The following HMGCLL1 variants were observed in gnomAD, a reference collection of about 807,000 sequenced individuals.
HMGCLL1 encodes 3-hydroxy-3-methylglutaryl-CoA lyase like 1, also known as 3-hydroxymethyl-3-methylglutaryl-CoA lyase, cytoplasmic.
A neutral mutation model predicts 39.1 loss-of-function variants in HMGCLL1; 36 were observed. That is an observed-to-expected ratio of 0.92 (90% CI 0.71 to 1.22). The LOEUF is 1.22. HMGCLL1 is among the 50% of genes most tolerant of loss of function. HMGCLL1 has a pLI of 0.00. For synonymous variants in HMGCLL1, 149 were observed against 144.0 expected, an observed-to-expected ratio of 1.03 and a Z score of -0.25; for missense variants, 451 against 416.5, an observed-to-expected ratio of 1.08 and a Z score of -0.72.
intron 5 of HMGCLL1, among the ~76,000 whole-genome samples, chr6:55,508,907 A>G (rs988217682): frequency 6.6e-6 from 1 of 151,038 alleles, no homozygotes; most frequent in Non-Finnish European, 1.5e-5. Context: ...TAATAATGAA[A>G]AAGTATTAAT....
intron 7 of HMGCLL1, among the ~76,000 whole-genome samples, chr6:55,447,152 T>C (rs1184240265): frequency 6.6e-6 from 1 of 151,970 alleles, no homozygotes; most frequent in Non-Finnish European, 1.5e-5. Flanking sequence ...GCCACGCTTA[T>C]TTCCAATAAG....
At chr6:55,529,183 G>A (rs554678458) in intron 3 of HMGCLL1, among the ~76,000 whole-genome samples, 182 of 152,168 alleles carry the variant, frequency 1.2e-3, no homozygotes, top group African/African-American at 4.2e-3. Flanking sequence ...TTCTGAAGTA[G>A]GGCAAGAAGT....
chr6:55,607,089 C>G, the HMGCLL1 span, among the ~76,000 whole-genome samples: 1 of 152,108 alleles, frequency 6.6e-6, no homozygotes, highest in Non-Finnish European at 1.5e-5. Context: ...CTGCTTGTCT[C>G]TCTGATATAC....
chr6:55,532,410 A>G (rs890630210), intron 3 of HMGCLL1, among the ~76,000 whole-genome samples: 1 of 152,158 alleles, frequency 6.6e-6, no homozygotes, highest in African/African-American at 2.4e-5. Flanking sequence ...CAGGTACAGT[A>G]GAAGTTGTTG....
chr6:55,459,417 G>A (rs909397611), intron 7 of HMGCLL1, among the ~76,000 whole-genome samples: 1 of 152,022 alleles, frequency 6.6e-6, no homozygotes, highest in Non-Finnish European at 1.5e-5. Context: ...ATTTGAACTT[G>A]GCCTTGAAAA....
At chr6:55,618,428 A>G in the HMGCLL1 span, among the ~76,000 whole-genome samples, 2 of 152,104 alleles carry the variant, frequency 1.3e-5, no homozygotes, top group Non-Finnish European at 2.9e-5. Context: ...AAGAAAGAAA[A>G]AAGAGAAAAT....
intron 1 of HMGCLL1, among the ~76,000 whole-genome samples, chr6:55,560,984 AG>A (rs1770917536): frequency 6.6e-6 from 1 of 152,186 alleles, no homozygotes; most frequent in Non-Finnish European, 1.5e-5. Flanking sequence ...TCAAAGGAAT[AG>A]TTAACAAACA....
At chr6:55,598,561 T>C in the HMGCLL1 span, among the ~76,000 whole-genome samples, 1 of 152,198 alleles carries the variant, frequency 6.6e-6, no homozygotes, top group Non-Finnish European at 1.5e-5. Context: ...AGTCCACCAG[T>C]CTCCAAATAG....
At chr6:55,614,966 C>G in the HMGCLL1 span, among the ~76,000 whole-genome samples, 2 of 151,624 alleles carry the variant, frequency 1.3e-5, no homozygotes, top group Non-Finnish European at 2.9e-5. Flanking sequence ...TATAACAAGA[C>G]CCCATCTCTT....
chr6:55,530,705 G>T (rs1768613298), intron 3 of HMGCLL1, among the ~76,000 whole-genome samples: 1 of 151,984 alleles, frequency 6.6e-6, no homozygotes, highest in South Asian at 2.1e-4. Context: ...TGATATTCGG[G>T]ATACAATATT....
the HMGCLL1 span, among the ~76,000 whole-genome samples, chr6:55,588,997 T>C: frequency 1.3e-5 from 2 of 152,260 alleles, no homozygotes. Context: ...GCTGTACCAT[T>C]CCTTCTGAAA....
chr6:55,440,666 T>G (rs1025074429), intron 7 of HMGCLL1, among the ~76,000 whole-genome samples: 1 of 152,108 alleles, frequency 6.6e-6, no homozygotes, highest in African/African-American at 2.4e-5. Context: ...TGATCACATT[T>G]AAAATGAGAA....
At chr6:55,477,726 T>C (rs1422590524) in intron 7 of HMGCLL1, among the ~76,000 whole-genome samples, 1 of 149,492 alleles carries the variant, frequency 6.7e-6, no homozygotes, top group Non-Finnish European at 1.5e-5. Context: ...TCTAATAAAT[T>C]TTCTAATGTA....
chr6:55,569,730 A>C lies in HMGCLL1; in HGVS notation c.108+9218T>G, dbSNP rs113619202. Among the ~76,000 whole-genome samples the C allele has an allele frequency of 1.0e-3, 155 of 152,272 alleles. 1 individual carries two copies. The highest frequency in any genetic ancestry group is 3.7e-3 in the African/African-American group (152 of 41,560). On this transcript the variant is annotated intron_variant, in intron 1 of 8. Transcript: ENST00000274901. Reference sequence around the variant, plus strand: ...TAATAAGCAACTCATACTAAATAATATATGTGACTTGATTAAAAATAAAAA... The same window carrying C: ...TAATAAGCAACTCATACTAAATAATCTATGTGACTTGATTAAAAATAAAAA...
At position 55,538,564 on chromosome 6, in the gene HMGCLL1, T is replaced by C. The variant is rs192194123; in HGVS notation, c.297+3165A>G. Among the ~76,000 whole-genome samples, 280 of 152,288 alleles carry C rather than the reference T, an allele frequency of 1.8e-3. 1 individual carries two copies. The highest frequency in any genetic ancestry group is 6.8e-3 in the Middle Eastern group (2 of 294). ...CTAGCCTAATCAAACTAGTAGTGTT[T>C]TCCTAAAAAATAGTTTTGTGACCTT... On this transcript the variant is annotated intron_variant, in intron 3 of 8. Coordinates refer to ENST00000274901, the MANE Select transcript of HMGCLL1 (RefSeq NM_001042406.2).
At chr6:55,515,615 T>C (rs544058073) in intron 4 of HMGCLL1, among the ~76,000 whole-genome samples, 14 of 152,164 alleles carry the variant, frequency 9.2e-5, no homozygotes, top group Non-Finnish European at 2.1e-4. Flanking sequence ...TCCACTCCAG[T>C]GCTTGCCCCT....
intron 1 of HMGCLL1, among the ~76,000 whole-genome samples, chr6:55,570,746 G>A (rs780986936): frequency 5.9e-5 from 9 of 152,002 alleles, no homozygotes; most frequent in Admixed American, 2.0e-4. Context: ...TATTTTTTGT[G>A]GCAGCTCACT....
At chr6:55,516,985 T>G in intron 3 of HMGCLL1, among the ~76,000 whole-genome samples, 1 of 152,102 alleles carries the variant, frequency 6.6e-6, no homozygotes, top group East Asian at 1.9e-4. Context: ...CATGAAAATT[T>G]TATGTCCAAA....
chr6:55,618,397 A>T, the HMGCLL1 span, among the ~76,000 whole-genome samples: 1 of 152,068 alleles, frequency 6.6e-6, no homozygotes, highest in Non-Finnish European at 1.5e-5. Flanking sequence ...TAATAAAATT[A>T]TTCTCTAGTG....
Sources: allele counts gnomAD v4.1 joint callset (sites outside exome capture counted in the v4.1 genomes callset), GRCh38; gene constraint gnomAD v4.1.1; transcripts MANE v1.5; gene names NCBI Gene and HGNC (gene_info 2026-07-23, HGNC 2026-07-21).